The following EVI5 variants were observed in gnomAD, a reference collection of about 807,000 sequenced individuals.
EVI5 encodes the protein ecotropic viral integration site 5, also known as ecotropic viral integration site 5 protein homolog.
Under a neutral mutation model 112.0 loss-of-function variants are expected in EVI5, and 73 were observed. The ratio of observed to expected loss-of-function variants is 0.65; its 90% CI spans 0.54 to 0.79. EVI5 has a LOEUF of 0.79. Among genes scored for constraint, EVI5 ranks in the 30% least tolerant of loss-of-function variants. The probability of loss-of-function intolerance (pLI) is 0.00; values close to 1 mark genes in which losing one functional copy is unlikely to be tolerated. For synonymous variants in EVI5, 305 were observed against 319.9 expected (o/e 0.95, Z 0.50); for missense variants, 900 against 968.8 (o/e 0.93, Z 0.94).
At chr1:92,755,385 T>C (rs900123621) in intron 1 of EVI5, among the ~76,000 whole-genome samples, 9 of 152,104 alleles carry the variant, frequency 5.9e-5, no homozygotes, top group African/African-American at 2.2e-4. Context: ...CACTCCAGCC[T>C]GGGCGACACA....
At chr1:92,778,268 A>G (rs965254395) in intron 1 of EVI5, among the ~76,000 whole-genome samples, 2 of 152,176 alleles carry the variant, frequency 1.3e-5, no homozygotes, top group African/African-American at 4.8e-5. Flanking sequence ...TTTATGCCAT[A>G]GATTCCTCAA....
chr1:92,674,244 T>A (rs758243167), intron 10 of EVI5, among the ~76,000 whole-genome samples: 2 of 152,148 alleles, frequency 1.3e-5, no homozygotes, highest in Non-Finnish European at 2.9e-5. Flanking sequence ...GAATGAGTTG[T>A]CAGGGTCTAA....
intron 19 of EVI5, among the ~76,000 whole-genome samples, chr1:92,562,454 T>A (rs1304311398): frequency 6.6e-6 from 1 of 151,950 alleles, no homozygotes; most frequent in Non-Finnish European, 1.5e-5. Flanking sequence ...GGCATGAACC[T>A]GGGAGGCGGA....
At chr1:92,515,415 C>G (rs12075870) in intron 19 of EVI5, among the ~76,000 whole-genome samples, 2,925 of 152,306 alleles carry the variant, frequency 0.019, 114 homozygotes, top group African/African-American at 0.066. Context: ...GTTCTACTCA[C>G]ATACAATTAA....
intron 1 of EVI5, among the ~76,000 whole-genome samples, chr1:92,763,328 A>C (rs1682155914): frequency 6.6e-6 from 1 of 152,166 alleles, no homozygotes; most frequent in Non-Finnish European, 1.5e-5. Flanking sequence ...ATCAATAAAA[A>C]TTTTGATAAT....
chr1:92,685,829 C>T (rs575004770), intron 9 of EVI5, among the ~76,000 whole-genome samples: 277 of 152,258 alleles, frequency 1.8e-3, no homozygotes, highest in African/African-American at 6.4e-3. Context: ...AACATACACC[C>T]TCCCAAGACT....
chr1:92,661,689 T>C (rs1303841824), intron 13 of EVI5, among the ~76,000 whole-genome samples: 1 of 151,916 alleles, frequency 6.6e-6, no homozygotes, highest in African/African-American at 2.4e-5. Context: ...CAATCTTCAA[T>C]AACAGAAAAA....
At chr1:92,606,217 G>A (rs1296505396) in intron 17 of EVI5, among the ~76,000 whole-genome samples, 1 of 152,114 alleles carries the variant, frequency 6.6e-6, no homozygotes, top group East Asian at 1.9e-4. Flanking sequence ...ACTTAGACAA[G>A]TTCAAAGAAA....
Position 92,768,856 on chromosome 1 carries a change from C to A in EVI5, c.-82+15980G>T, listed in dbSNP as rs184185001. Among the ~76,000 whole-genome samples the A allele has an allele frequency of 2.2e-3, 337 of 152,284 alleles. 2 individuals carry two copies. Among genetic ancestry groups the A allele is most frequent in the Non-Finnish European group, 3.4e-3 (232 of 68,034 alleles). On this transcript the variant is annotated intron_variant, in intron 1 of 19. Coordinates refer to ENST00000684568, the MANE Select transcript of EVI5 (RefSeq NM_001350197.2). The stretch of plus-strand genomic sequence containing the variant: ...CACCACCACACTCCAGCTTGGGCGA[C>A]CGGGCAAGACCCTGTCTCAAAAAAA...
In EVI5 at chr1:92,511,188, C is replaced by G. The variant is rs1659168391; in HGVS notation, c.*2468G>C. The stretch of plus-strand genomic sequence containing the variant: ...AATTGCCAGGTGTGGTGGCTTACGT[C>G]TAGTAATCCCAGCACTTTGGGAGGT... On this transcript the variant is annotated 3_prime_UTR_variant, in exon 20 of 20. Transcript: ENST00000684568. 1 of 152,168 alleles carries G rather than the reference C, an allele frequency of 6.6e-6. No homozygotes were observed. The highest frequency in any genetic ancestry group is 2.1e-4 in the South Asian group (1 of 4,826). 9.4% of individuals were successfully genotyped at this position (152,168 alleles called of 1,614,324 possible).
intron 7 of EVI5, 120 bp downstream of exon 7, chr1:92,695,190 A>G (rs1226652003): frequency 2.8e-6 from 2 of 720,292 alleles, no homozygotes; most frequent in African/African-American, 3.6e-5. Flanking sequence ...GAGATTATCC[A>G]TGTAAGCAGT....
At chr1:92,611,567 T>A (rs554639086) in intron 16 of EVI5, among the ~76,000 whole-genome samples, 5 of 149,472 alleles carry the variant, frequency 3.3e-5, no homozygotes, top group African/African-American at 1.2e-4. Flanking sequence ...CCAGGCGTGA[T>A]GGCGGGCGCC....
At chr1:92,544,530 T>C (rs1665356306) in intron 19 of EVI5, among the ~76,000 whole-genome samples, 1 of 152,136 alleles carries the variant, frequency 6.6e-6, no homozygotes, top group Admixed American at 6.5e-5. Context: ...AGAAAAGACA[T>C]ATGATGACCT....
intron 19 of EVI5, among the ~76,000 whole-genome samples, chr1:92,548,678 C>A (rs1195787722): frequency 6.6e-6 from 1 of 152,156 alleles, no homozygotes; most frequent in African/African-American, 2.4e-5. Context: ...GTGCAAAAAT[C>A]ACAAGCATTC....
intron 14 of EVI5, among the ~76,000 whole-genome samples, chr1:92,629,102 A>T (rs2101823879): frequency 6.6e-6 from 1 of 152,336 alleles, no homozygotes; most frequent in East Asian, 1.9e-4. Flanking sequence ...TTCTGCTCTA[A>T]ATCATGTAAC....
intron 1 of EVI5, among the ~76,000 whole-genome samples, chr1:92,777,789 T>C (rs546405512): frequency 7.0e-4 from 106 of 152,370 alleles, no homozygotes; most frequent in Non-Finnish European, 1.2e-3. Flanking sequence ...AGTTGTGTTA[T>C]TGTTGTTTGT....
At chr1:92,534,848 A>G (rs1332065153) in intron 19 of EVI5, among the ~76,000 whole-genome samples, 1 of 152,250 alleles carries the variant, frequency 6.6e-6, no homozygotes, top group Non-Finnish European at 1.5e-5. Flanking sequence ...AATACCATTC[A>G]GGACATAGGC....
At chr1:92,676,036 A>G (rs12129117) in intron 10 of EVI5, among the ~76,000 whole-genome samples, 22,338 of 150,674 alleles carry the variant, frequency 0.15, 2,016 homozygotes, top group South Asian at 0.23. Flanking sequence ...AAAAAAAAAA[A>G]GGAAGGAAAA....
chr1:92,535,008 T>C (rs1663604300), intron 19 of EVI5, among the ~76,000 whole-genome samples: 1 of 151,978 alleles, frequency 6.6e-6, no homozygotes, highest in African/African-American at 2.4e-5. Flanking sequence ...GGGAGAAAAT[T>C]TTTGCAATTT....
Sources: allele counts gnomAD v4.1 joint callset (sites outside exome capture counted in the v4.1 genomes callset), GRCh38; gene constraint gnomAD v4.1.1; transcripts MANE v1.5; gene names NCBI Gene and HGNC (gene_info 2026-07-23, HGNC 2026-07-21).